The following PCTP variants were observed in gnomAD, a reference collection of about 807,000 sequenced individuals.
PCTP encodes the protein phosphatidylcholine transfer protein, also known as START domain-containing protein 2.
Under a neutral mutation model 31.0 loss-of-function variants are expected in PCTP, and 27 were observed. The ratio of observed to expected loss-of-function variants is 0.87; its 90% CI spans 0.64 to 1.20. The LOEUF (loss-of-function observed/expected upper bound fraction) is 1.20, where lower values mean the gene tolerates loss of function less well. PCTP is among the 50% of genes most tolerant of loss of function. The pLI is 0.00. For missense variants in PCTP, 287 were observed against 268.2 expected, an observed-to-expected ratio of 1.07 and a Z score of -0.49; for synonymous variants, 108 against 101.2, an observed-to-expected ratio of 1.07 and a Z score of -0.40.
At chr17:55,756,745 ATATG>A (rs1910047359) in intron 1 of PCTP, among the ~76,000 whole-genome samples, 1 of 146,240 alleles carries the variant, frequency 6.8e-6, no homozygotes, top group African/African-American at 2.5e-5. Context: ...GTGTGTGTAT[ATATG>A]TATATATATA....
chr17:55,840,998 C>T (rs1481648980), intron 5 of PCTP, among the ~76,000 whole-genome samples: 1 of 152,184 alleles, frequency 6.6e-6, no homozygotes, highest in African/African-American at 2.4e-5. Context: ...TTAACGCTAT[C>T]TGCAGTTTCA....
chr17:55,839,972 A>G (rs1398797127), intron 5 of PCTP, among the ~76,000 whole-genome samples: 4 of 147,474 alleles, frequency 2.7e-5, no homozygotes, highest in African/African-American at 7.5e-5. Context: ...TTTCAAGGTG[A>G]GATCCATTGG....
At chr17:55,806,086 C>A (rs2145036273) in intron 3 of PCTP, among the ~76,000 whole-genome samples, 1 of 152,134 alleles carries the variant, frequency 6.6e-6, no homozygotes, top group South Asian at 2.1e-4. Context: ...AAGTTATTTT[C>A]CAAAGGGTCT....
At chr17:55,819,928 A>G (rs1355777965) in intron 3 of PCTP, among the ~76,000 whole-genome samples, 1 of 152,206 alleles carries the variant, frequency 6.6e-6, no homozygotes. Context: ...GGGAAGAATA[A>G]TCTTTTTCAA....
downstream of PCTP, among the ~76,000 whole-genome samples, chr17:55,845,042 G>A (rs1227272062): frequency 1.5e-5 from 2 of 130,590 alleles, no homozygotes; most frequent in Non-Finnish European, 3.1e-5. Context: ...AACCAAGAAT[G>A]CGCCATTGCA....
At chr17:55,819,567 A>G (rs370374578) in intron 3 of PCTP, among the ~76,000 whole-genome samples, 1 of 152,094 alleles carries the variant, frequency 6.6e-6, no homozygotes, top group African/African-American at 2.4e-5. Flanking sequence ...CCTAGGAAAT[A>G]TAGGGAATCC....
chr17:55,842,142 G>C (rs1906003875), intron 5 of PCTP, among the ~76,000 whole-genome samples: 1 of 149,510 alleles, frequency 6.7e-6, no homozygotes, highest in African/African-American at 2.5e-5. Flanking sequence ...GTTGAGGGGA[G>C]CAACAGGCAA....
At chr17:55,845,464 C>T (rs1482271918), downstream of PCTP, among the ~76,000 whole-genome samples, 8 of 152,214 alleles carry the variant, frequency 5.3e-5, no homozygotes, top group Non-Finnish European at 1.0e-4. Flanking sequence ...AGCGACTCTG[C>T]GGAGGGTTTC....
intron 3 of PCTP, among the ~76,000 whole-genome samples, chr17:55,773,434 C>A (rs76452481): frequency 0.036 from 5,490 of 152,208 alleles, 315 homozygotes; most frequent in African/African-American, 0.12. Flanking sequence ...TCTGTCATCT[C>A]CCAGTGCCTT....
downstream of PCTP, among the ~76,000 whole-genome samples, chr17:55,824,229 T>C (rs982402395): frequency 6.6e-6 from 1 of 152,132 alleles, no homozygotes; most frequent in Non-Finnish European, 1.5e-5. Context: ...CTGGGTCTTC[T>C]TGCTTACAAA....
downstream of PCTP, among the ~76,000 whole-genome samples, chr17:55,778,697 C>T (rs933947366): frequency 6.6e-6 from 1 of 152,048 alleles, no homozygotes; most frequent in Admixed American, 6.6e-5. Context: ...TAAGGGGTGG[C>T]TTTGCTGGTG....
At chr17:55,841,063 T>C (rs912044063) in intron 5 of PCTP, among the ~76,000 whole-genome samples, 1 of 152,214 alleles carries the variant, frequency 6.6e-6, no homozygotes, top group Non-Finnish European at 1.5e-5. Flanking sequence ...TGGGGACTAC[T>C]GTAATTGATA....
chr17:55,771,653 G>A (rs570644966), intron 3 of PCTP, among the ~76,000 whole-genome samples: 1 of 152,314 alleles, frequency 6.6e-6, no homozygotes, highest in Admixed American at 6.5e-5. Flanking sequence ...CCCCATCTCA[G>A]TAGACCCCAC....
chr17:55,803,296 A>G (rs1912451544), intron 3 of PCTP, among the ~76,000 whole-genome samples: 1 of 152,244 alleles, frequency 6.6e-6, no homozygotes, highest in Non-Finnish European at 1.5e-5. Context: ...AAAGGAATTT[A>G]TAGAGGTAAT....
intron 3 of PCTP, among the ~76,000 whole-genome samples, chr17:55,801,931 G>T (rs1912398205): frequency 6.6e-6 from 1 of 152,146 alleles, no homozygotes; most frequent in Admixed American, 6.5e-5. Flanking sequence ...CCAGGAGCTG[G>T]TTTTTTGAAA....
In PCTP at chr17:55,803,922, C is replaced by T. The variant is rs980414371; in HGVS notation, c.317+16268C>T. ...AAAAAAAAACCAGGATCAGAGTAAACAGGCAACCGACAGAATGGGAGAAAA... is the reference window on the plus strand; with the variant it reads ...AAAAAAAAACCAGGATCAGAGTAAATAGGCAACCGACAGAATGGGAGAAAA... On this transcript the variant is annotated intron_variant, in intron 3 of 3. Transcript: ENST00000572536. Among the ~76,000 whole-genome samples the T allele has an allele frequency of 2.1e-5, 3 of 146,068 alleles. No individual in the cohort carries two copies. The South Asian group carries it at 6.4e-4, about 31-fold the overall frequency.
At chr17:55,792,059 A>C (rs1233680160) in intron 3 of PCTP, among the ~76,000 whole-genome samples, 1 of 148,902 alleles carries the variant, frequency 6.7e-6, no homozygotes, top group Admixed American at 6.7e-5. Flanking sequence ...CACAAGAACA[A>C]AAAACCAAAC....
chr17:55,769,966 A>C (rs1910891441), intron 2 of PCTP: 1 of 152,122 alleles, frequency 6.6e-6, no homozygotes, highest in African/African-American at 2.4e-5. Flanking sequence ...CTGTGACCTT[A>C]ATGGGCTGGC....
chr17:55,797,989 C>G (rs1436992258), intron 3 of PCTP, among the ~76,000 whole-genome samples: 1 of 151,472 alleles, frequency 6.6e-6, no homozygotes, highest in Non-Finnish European at 1.5e-5. Flanking sequence ...ATTCATATGT[C>G]CAAAATATTA....
Sources: gnomAD v4.1 joint callset for allele counts (sites outside exome capture counted in the v4.1 genomes callset) on GRCh38, gnomAD v4.1.1 for gene constraint, MANE v1.5 for transcripts, NCBI Gene and HGNC (gene_info 2026-07-23, HGNC 2026-07-21) for gene names.